The following SGCZ variants were observed in gnomAD, a reference collection of about 807,000 sequenced individuals.
SGCZ encodes sarcoglycan zeta.
In SGCZ, 40 loss-of-function variants were observed where a neutral mutation model predicts 41.3. That is an observed-to-expected ratio of 0.97 (90% CI 0.75 to 1.26). The LOEUF is 1.26. Ranked by LOEUF, SGCZ falls within the 50% of genes most tolerant of loss-of-function variation. The pLI is 0.00. For synonymous variants in SGCZ, 206 were observed against 137.5 expected (o/e 1.50, Z -3.49); for missense variants, 552 against 369.8 (o/e 1.49, Z -4.04).
chr8:14,677,804 G>C (rs975435790), intron 1 of SGCZ, among the ~76,000 whole-genome samples: 2 of 151,638 alleles, frequency 1.3e-5, no homozygotes, highest in Non-Finnish European at 2.9e-5. Flanking sequence ...AAATAAATAA[G>C]TAAACTTTAT....
chr8:14,789,728 T>C (rs954055628), intron 1 of SGCZ, among the ~76,000 whole-genome samples: 5 of 152,144 alleles, frequency 3.3e-5, no homozygotes, highest in African/African-American at 1.2e-4. Context: ...CTAGATCTCA[T>C]CATGAGCATC....
chr8:14,271,174 G>A (rs1036575684), intron 3 of SGCZ, among the ~76,000 whole-genome samples: 5 of 151,572 alleles, frequency 3.3e-5, no homozygotes, highest in Non-Finnish European at 5.9e-5. Flanking sequence ...TTGTGCACAT[G>A]TACCGTAAAA....
At chr8:14,702,831 A>AGAT (rs200086653) in intron 1 of SGCZ, among the ~76,000 whole-genome samples, 8,045 of 81,106 alleles carry the variant, frequency 0.099, 452 homozygotes, top group Non-Finnish European at 0.16. Flanking sequence ...ATAGATAGAT[A>AGAT]GATAGATAGA....
intron 2 of SGCZ, among the ~76,000 whole-genome samples, chr8:14,452,468 G>A (rs972834447): frequency 2.6e-5 from 4 of 151,958 alleles, no homozygotes; most frequent in African/African-American, 9.7e-5. Context: ...GGGTGACAGA[G>A]CAAGACTCGA....
intron 1 of SGCZ, among the ~76,000 whole-genome samples, chr8:14,629,492 G>C (rs1329441455): frequency 7.2e-5 from 11 of 152,144 alleles, no homozygotes; most frequent in Admixed American, 2.0e-4. Flanking sequence ...AGTCAGTAGT[G>C]GTCTAGATTC....
chr8:14,135,540 T>TGAA (rs1337941976), intron 5 of SGCZ, among the ~76,000 whole-genome samples: 1 of 152,076 alleles, frequency 6.6e-6, no homozygotes, highest in Non-Finnish European at 1.5e-5. Context: ...GAAGAAAGAC[T>TGAA]GAAGAAAATG....
At chr8:15,177,450 C>CT (rs1358870571) in intron 1 of SGCZ, among the ~76,000 whole-genome samples, 1 of 152,116 alleles carries the variant, frequency 6.6e-6, no homozygotes, top group African/African-American at 2.4e-5. Flanking sequence ...TAGTGCTATT[C>CT]TATCTGTAAA....
chr8:14,530,475 T>C (rs1000252051), intron 2 of SGCZ, among the ~76,000 whole-genome samples: 1 of 152,080 alleles, frequency 6.6e-6, no homozygotes, highest in Non-Finnish European at 1.5e-5. Context: ...TATTTCTGCC[T>C]TCATATTCAC....
chr8:14,286,882 T>A (rs1166839373), intron 3 of SGCZ, among the ~76,000 whole-genome samples: 1 of 152,054 alleles, frequency 6.6e-6, no homozygotes, highest in African/African-American at 2.4e-5. Flanking sequence ...ATTATCACAA[T>A]GAGAAAGCTA....
intron 1 of SGCZ, among the ~76,000 whole-genome samples, chr8:15,082,219 ACT>A (rs1805779600): frequency 6.6e-6 from 1 of 151,746 alleles, no homozygotes; most frequent in Non-Finnish European, 1.5e-5. Flanking sequence ...ACATAGCGAG[ACT>A]CTGTCTCAAA....
intron 1 of SGCZ, among the ~76,000 whole-genome samples, chr8:14,815,888 CAAAA>C (rs1801887998): frequency 6.6e-6 from 1 of 152,160 alleles, no homozygotes; most frequent in African/African-American, 2.4e-5. Context: ...TAAAGCCTAT[CAAAA>C]GAAAGAATGC....
chr8:14,713,124 T>C (rs1809575808), intron 1 of SGCZ, among the ~76,000 whole-genome samples: 1 of 152,194 alleles, frequency 6.6e-6, no homozygotes, highest in Admixed American at 6.5e-5. Flanking sequence ...AAATTAGCTA[T>C]GATTAGAACT....
intron 2 of SGCZ, among the ~76,000 whole-genome samples, chr8:14,520,648 T>C (rs549680505): frequency 6.6e-6 from 1 of 152,260 alleles, no homozygotes; most frequent in African/African-American, 2.4e-5. Context: ...AATATATTTC[T>C]GTGTGAAAAT....
At chr8:14,883,952 G>A (rs548746938) in intron 1 of SGCZ, among the ~76,000 whole-genome samples, 61 of 151,992 alleles carry the variant, frequency 4.0e-4, no homozygotes, top group African/African-American at 1.4e-3. Context: ...GATGATAGAA[G>A]GAGTATCTCC....
At position 14,355,684 on chromosome 8, in the gene SGCZ, A is replaced by G. The variant is rs113126439; in HGVS notation, c.235-31480T>C. ...GAAAATGATAAAAATGAAAGGACTG[A>G]AGGTCATTAACAAGTTTTTAATTAA... is the stretch of plus-strand genomic sequence containing the variant. On this transcript the variant is annotated intron_variant, in intron 2 of 7. Coordinates refer to ENST00000382080, the MANE Select transcript of SGCZ (RefSeq NM_139167.4). Among the ~76,000 whole-genome samples, 11 of 152,136 alleles carry G rather than the reference A, an allele frequency of 7.2e-5. 2 individuals carry two copies. The highest frequency in any genetic ancestry group is 2.6e-4 in the African/African-American group (11 of 41,536).
At chr8:15,070,578 C>G (rs1389406454) in intron 1 of SGCZ, among the ~76,000 whole-genome samples, 1 of 152,114 alleles carries the variant, frequency 6.6e-6, no homozygotes, top group Non-Finnish European at 1.5e-5. Flanking sequence ...GCATAGGGCC[C>G]ATGGGCCTTC....
At chr8:14,265,828 A>G (rs923090544) in intron 3 of SGCZ, among the ~76,000 whole-genome samples, 7 of 151,980 alleles carry the variant, frequency 4.6e-5, no homozygotes, top group Non-Finnish European at 1.0e-4. Flanking sequence ...GAAAATTACA[A>G]TAAGCCAAAC....
chr8:14,576,127 C>T (rs1371069721), intron 1 of SGCZ, among the ~76,000 whole-genome samples: 1 of 152,168 alleles, frequency 6.6e-6, no homozygotes, highest in South Asian at 2.1e-4. Context: ...TAATTGATCT[C>T]TGTTAACTTG....
At chr8:14,890,983 C>T (rs1201787667) in intron 1 of SGCZ, among the ~76,000 whole-genome samples, 3 of 152,126 alleles carry the variant, frequency 2.0e-5, no homozygotes, top group Non-Finnish European at 4.4e-5. Flanking sequence ...AGTTTAAGCC[C>T]TCTATTGAGA....
Sources: gnomAD v4.1 joint callset for allele counts (sites outside exome capture counted in the v4.1 genomes callset) on GRCh38, gnomAD v4.1.1 for gene constraint, MANE v1.5 for transcripts, NCBI Gene and HGNC (gene_info 2026-07-23, HGNC 2026-07-21) for gene names.